SNX29: variants seen among roughly 807,000 people sequenced by gnomAD.
The protein encoded by SNX29 is sorting nexin 29.
Under a neutral mutation model 102.1 loss-of-function variants are expected in SNX29, and 78 were observed. The ratio of observed to expected loss-of-function variants is 0.76; its 90% CI spans 0.64 to 0.92. The LOEUF (loss-of-function observed/expected upper bound fraction) is 0.92. SNX29 is among the 40% of genes least tolerant of loss of function. The pLI, the probability that SNX29 is intolerant of heterozygous loss-of-function variation, is 0.00. For synonymous variants in SNX29, 580 were observed against 414.5 expected (o/e 1.40, Z -4.85); for missense variants, 1,280 against 1,061.7 (o/e 1.21, Z -2.86).
At position 12,052,208 on chromosome 16, in the gene SNX29, G is replaced by A. The variant is rs145545344; in HGVS notation, c.1110G>A (p.Ser370=). The change falls in exon 8 of 21, where the codon TCG becomes TCA. Residue 370 remains serine (S), a synonymous_variant. Coordinates refer to ENST00000566228, the MANE Select transcript of SNX29 (RefSeq NM_032167.5). ...NSSGRKHRGH[S]ESPEKPLEGN... ...CAGGAAGGAAGCACAGGGGCCACTC[G>A]GAGTCGCCCGAGAAGTAAGTTTGTG... The A allele has an allele frequency of 9.3e-6, 15 of 1,613,750 alleles. No individual in the cohort carries two copies. Among genetic ancestry groups the A allele is most frequent in the Non-Finnish European group, 1.3e-5 (15 of 1,179,856 alleles).
chr16:12,551,138 T>G (rs2077950662), intron 20 of SNX29, among the ~76,000 whole-genome samples: 1 of 152,136 alleles, frequency 6.6e-6, no homozygotes, highest in Admixed American at 6.5e-5. Context: ...GGTCCACAGC[T>G]GCCAGGAGAA....
chr16:12,476,415 T>C lies in SNX29; in HGVS notation c.2038-1304T>C, dbSNP rs1209732198. On this transcript the variant is annotated intron_variant, in intron 18 of 20. Transcript: ENST00000566228. Reference sequence around the variant, plus strand: ...ATATATATATATATATATATATACATATATATATATATATATATATATATA... The same window carrying C: ...ATATATATATATATATATATATACACATATATATATATATATATATATATA... 1.1e-3 allele frequency among the ~76,000 whole-genome samples: 20 copies of C among 18,006 alleles called. No homozygotes were observed. In the East Asian group the frequency reaches 0.013, roughly 12 times the overall value. 11.8% of individuals were successfully genotyped at this position (18,006 alleles called of 152,430 possible).
At chr16:12,544,009 C>A (rs532566311) in intron 20 of SNX29, among the ~76,000 whole-genome samples, 1 of 152,194 alleles carries the variant, frequency 6.6e-6, no homozygotes, top group African/African-American at 2.4e-5. Context: ...AATGCAAAAG[C>A]CCTGGACTCT....
chr16:12,296,800 G>A (rs957053014), intron 15 of SNX29, among the ~76,000 whole-genome samples: 2 of 152,344 alleles, frequency 1.3e-5, no homozygotes, highest in East Asian at 1.9e-4. Context: ...AAGGGTAAAC[G>A]TGGTTATCGC....
chr16:12,053,222 G>C (rs774424796), intron 8 of SNX29: 1 of 149,866 alleles, frequency 6.7e-6, no homozygotes, highest in Admixed American at 6.7e-5. Flanking sequence ...TTGAATATGA[G>C]AGGCGGAGCC....
intron 19 of SNX29, among the ~76,000 whole-genome samples, chr16:12,502,077 G>T (rs906400336): frequency 6.6e-6 from 1 of 152,202 alleles, no homozygotes; most frequent in Non-Finnish European, 1.5e-5. Flanking sequence ...GACCTGCTTA[G>T]TGTCCAGGCT....
At position 12,360,676 on chromosome 16, in the gene SNX29, T is replaced by C. The variant is rs191058138; in HGVS notation, c.1899+4397T>C. ...ACCCCCTACCGTATTGAAAGCCTAA[T>C]AGTGCAGTCCCTGACTGAGTTTGCT... On this transcript the variant is annotated intron_variant, in intron 16 of 20. Coordinates refer to ENST00000566228, the MANE Select transcript of SNX29 (RefSeq NM_032167.5). Among the ~76,000 whole-genome samples, 3 of 147,726 alleles carry C rather than the reference T, an allele frequency of 2.0e-5. No individual in the cohort carries two copies. The Admixed American group carries it at 2.0e-4, about 10-fold the overall frequency.
rs375061825 is a variant in SNX29 at position 12,462,016 on chromosome 16, TACACAC to T, written c.2038-15680_2038-15675del. On this transcript the variant is annotated intron_variant, in intron 18 of 20. Coordinates refer to ENST00000566228, the MANE Select transcript of SNX29 (RefSeq NM_032167.5). The stretch of plus-strand genomic sequence containing the variant: ...ATATATATATATATATATATATGTA[TACACAC>T]ACACACACACACACACACACACTCT... Among the ~76,000 whole-genome samples, 333 of 65,134 alleles carry T rather than the reference TACACAC, an allele frequency of 5.1e-3. 4 individuals carry two copies. Among genetic ancestry groups the T allele is most frequent in the African/African-American group, 0.014 (142 of 10,034 alleles). 42.7% of individuals were successfully genotyped at this position (65,134 alleles called of 152,430 possible). A position where few individuals can be genotyped will look rare whatever the true frequency, so the allele number is the denominator to read the frequency against.
intron 13 of SNX29, among the ~76,000 whole-genome samples, chr16:12,144,863 A>G (rs1047339730): frequency 2.6e-5 from 4 of 152,188 alleles, no homozygotes; most frequent in African/African-American, 9.7e-5. Flanking sequence ...CTGGGACTAC[A>G]GGCGCCTGCC....
intron 14 of SNX29, among the ~76,000 whole-genome samples, chr16:12,222,878 C>T (rs1013716263): frequency 2.0e-5 from 3 of 152,100 alleles, no homozygotes; most frequent in African/African-American, 7.2e-5. Flanking sequence ...CTGCAGAGTG[C>T]TGTTTTCATT....
chr16:12,503,568 C>T (rs373931379), intron 19 of SNX29, among the ~76,000 whole-genome samples: 5 of 152,232 alleles, frequency 3.3e-5, no homozygotes, highest in South Asian at 2.1e-4. Context: ...CTAGCAAAGT[C>T]GTGAGAGGAA....
chr16:12,530,972 C>T (rs1203155938), intron 20 of SNX29, among the ~76,000 whole-genome samples: 2 of 152,192 alleles, frequency 1.3e-5, no homozygotes, highest in African/African-American at 4.8e-5. Flanking sequence ...AAGAGGTTTC[C>T]AGATTTTTCT....
intron 4 of SNX29, among the ~76,000 whole-genome samples, chr16:12,035,781 G>A (rs1231143941): frequency 2.6e-5 from 4 of 152,008 alleles, no homozygotes; most frequent in African/African-American, 9.7e-5. Context: ...CCTTTATCTC[G>A]GTGAGGGATT....
At chr16:12,170,448 C>G (rs2076121318) in intron 13 of SNX29, among the ~76,000 whole-genome samples, 1 of 151,918 alleles carries the variant, frequency 6.6e-6, no homozygotes. Context: ...CCACTTAGCC[C>G]TGAGGTCATC....
chr16:12,572,026 G>C lies in SNX29; in HGVS notation c.*3397G>C, dbSNP rs150456058. 4.9e-4 allele frequency: 516 copies of C among 1,063,026 alleles called. 8 individuals carry two copies. In the East Asian group the frequency reaches 0.019, roughly 39 times the overall value. 65.8% of individuals were successfully genotyped at this position (1,063,026 alleles called of 1,614,324 possible). A position where few individuals can be genotyped will look rare whatever the true frequency, so the allele number is the denominator to read the frequency against. On this transcript the variant is annotated 3_prime_UTR_variant, in exon 21 of 21. Transcript: ENST00000566228. ...ATCTAGGGAGCTGCTGGCTATAAAAGGGATCATCCAGTGGAGTTGTAAACA... is the reference window on the plus strand; with the variant it reads ...ATCTAGGGAGCTGCTGGCTATAAAACGGATCATCCAGTGGAGTTGTAAACA...
Position 12,140,949 on chromosome 16 carries a change from AAC to A in SNX29, c.1595+11194_1595+11195del, listed in dbSNP as rs1221837978. Among the ~76,000 whole-genome samples the A allele has an allele frequency of 2.6e-5, 4 of 152,240 alleles. No individual in the cohort carries two copies. In the East Asian group the frequency reaches 7.7e-4, roughly 29 times the overall value. On this transcript the variant is annotated intron_variant, in intron 13 of 20. Coordinates refer to ENST00000566228, the MANE Select transcript of SNX29 (RefSeq NM_032167.5). Reference sequence around the variant, plus strand: ...TACAAGTAATTTAAAAAATCAGTATAACACTCTAATATGAAAGAGAAATGAAA... The same window carrying A: ...TACAAGTAATTTAAAAAATCAGTATAACTCTAATATGAAAGAGAAATGAAA...
chr16:12,314,814 T>G (rs1198856367), intron 15 of SNX29, among the ~76,000 whole-genome samples: 2 of 152,206 alleles, frequency 1.3e-5, no homozygotes, highest in African/African-American at 4.8e-5. Flanking sequence ...GCAGGAAGAA[T>G]AAAAGCCATC....
At chr16:12,554,993 T>C (rs1287226462) in intron 20 of SNX29, among the ~76,000 whole-genome samples, 2 of 151,604 alleles carry the variant, frequency 1.3e-5, no homozygotes, top group Non-Finnish European at 2.9e-5. Context: ...CGGAGCACCT[T>C]TCTTTCTTGC....
intron 20 of SNX29, among the ~76,000 whole-genome samples, chr16:12,556,877 G>A (rs181921347): frequency 0.011 from 1,723 of 151,756 alleles, 27 homozygotes; most frequent in African/African-American, 0.039. Context: ...TTTTGAGATA[G>A]GGTCTCCGTC....
Sources: allele counts gnomAD v4.1 joint callset (sites outside exome capture counted in the v4.1 genomes callset), GRCh38; gene constraint gnomAD v4.1.1; transcripts MANE v1.5; gene names NCBI Gene and HGNC (gene_info 2026-07-23, HGNC 2026-07-21).